The following MB21D2 variants were observed in gnomAD, a reference collection of about 807,000 sequenced individuals.
The protein encoded by MB21D2 is Mab-21 domain containing 2.
Under a neutral mutation model 33.3 loss-of-function variants are expected in MB21D2, and 9 were observed. The ratio of observed to expected loss-of-function variants is 0.27; its 90% CI spans 0.16 to 0.47. The LOEUF is 0.47. MB21D2 is among the 20% of genes least tolerant of loss of function. MB21D2 has a pLI of 0.99. For missense variants in MB21D2, 540 were observed against 624.6 expected (o/e 0.86, Z 1.44); for synonymous variants, 241 against 236.3 (o/e 1.02, Z -0.18).
chr3:192,869,336 G>GGGAAGGGAGGAAGGGA (rs138710698), intron 1 of MB21D2, among the ~76,000 whole-genome samples: 6 of 134,438 alleles, frequency 4.5e-5, no homozygotes, highest in African/African-American at 9.7e-5. Flanking sequence ...AAGGGAAGGA[G>GGGAAGGGAGGAAGGGA]GGAAGGGAGG....
chr3:192,901,902 G>A (rs891308528), intron 1 of MB21D2, among the ~76,000 whole-genome samples: 4 of 152,164 alleles, frequency 2.6e-5, no homozygotes, highest in African/African-American at 9.7e-5. Flanking sequence ...TAAACCCATT[G>A]GGGGAGTGTG....
In MB21D2 at chr3:192,837,220, T is replaced by C. The variant is rs541851696; in HGVS notation, c.212-37570A>G. ...CGTTTCCTCCCGAGAGAGCTCTCCA[T>C]TGCTACTTACTCTTCTCTGAGAGGT... On this transcript the variant is annotated intron_variant, in intron 1 of 1. Transcript: ENST00000392452. Among the ~76,000 whole-genome samples, 249 of 152,294 alleles carry C rather than the reference T, an allele frequency of 1.6e-3. 2 individuals are homozygous for C. Among genetic ancestry groups the C allele is most frequent in the African/African-American group, 5.6e-3 (233 of 41,566 alleles).
At chr3:192,811,605 G>A (rs754058431) in intron 1 of MB21D2, among the ~76,000 whole-genome samples, 10 of 152,118 alleles carry the variant, frequency 6.6e-5, no homozygotes, top group Non-Finnish European at 1.3e-4. Flanking sequence ...GCTTTTCTGT[G>A]CATTTACAGC....
At chr3:192,820,846 C>T (rs1712034904) in intron 1 of MB21D2, among the ~76,000 whole-genome samples, 1 of 152,156 alleles carries the variant, frequency 6.6e-6, no homozygotes. Context: ...CTCACTCCAG[C>T]CTCAAACTCT....
At chr3:192,800,735 G>C (rs1025803183) in intron 1 of MB21D2, among the ~76,000 whole-genome samples, 5 of 152,148 alleles carry the variant, frequency 3.3e-5, no homozygotes, top group African/African-American at 1.2e-4. Flanking sequence ...ACTGAGTTGT[G>C]AGCTGAACTA....
intron 1 of MB21D2, among the ~76,000 whole-genome samples, chr3:192,890,630 A>G (rs1577197956): frequency 6.6e-6 from 1 of 151,976 alleles, no homozygotes; most frequent in Admixed American, 6.6e-5. Context: ...CAGTTGGCAT[A>G]CCCTGCCATT....
In MB21D2 at chr3:192,811,797, A is replaced by T. The variant is rs566565095; in HGVS notation, c.212-12147T>A. On this transcript the variant is annotated intron_variant, in intron 1 of 1. Coordinates refer to ENST00000392452, the MANE Select transcript of MB21D2 (RefSeq NM_178496.4). ...GGATTAAGGTTGGGGAGGGTGGATT[A>T]AAAAAAAGAACTCACTCCAGGAACC... Among the ~76,000 whole-genome samples the T allele has an allele frequency of 5.3e-5, 8 of 151,992 alleles. No homozygotes were observed. The South Asian group carries it at 1.7e-3, about 32-fold the overall frequency.
At chr3:192,884,637 C>G (rs36098296) in intron 1 of MB21D2, among the ~76,000 whole-genome samples, 17,524 of 151,948 alleles carry the variant, frequency 0.12, 1,270 homozygotes, top group African/African-American at 0.19. Flanking sequence ...AAAGTGCTGG[C>G]ATTACAGGCG....
chr3:192,823,767 T>G (rs1014388622), intron 1 of MB21D2, among the ~76,000 whole-genome samples: 4 of 152,138 alleles, frequency 2.6e-5, no homozygotes, highest in African/African-American at 9.7e-5. Context: ...AAGGTTAATT[T>G]AGAACTCCAG....
intron 1 of MB21D2, among the ~76,000 whole-genome samples, chr3:192,867,085 G>A (rs1049449189): frequency 6.6e-6 from 1 of 152,114 alleles, no homozygotes; most frequent in Non-Finnish European, 1.5e-5. Flanking sequence ...GCAATATTAG[G>A]TTATAAAATG....
intron 1 of MB21D2, among the ~76,000 whole-genome samples, chr3:192,867,573 GGACT>G (rs1713197193): frequency 6.6e-6 from 1 of 152,092 alleles, no homozygotes; most frequent in African/African-American, 2.4e-5. Context: ...CAGAGAAATT[GGACT>G]AACTGCTGCT....
Position 192,912,461 on chromosome 3 carries a change from G to A in MB21D2, c.211+5169C>T, listed in dbSNP as rs140316427. Reference sequence around the variant, plus strand: ...AGGTGGGTGGATCACCTGAGGTCAGGAGTTCTAGACCAGCCTTGGCCAACA... The same window carrying A: ...AGGTGGGTGGATCACCTGAGGTCAGAAGTTCTAGACCAGCCTTGGCCAACA... On this transcript the variant is annotated intron_variant, in intron 1 of 1. Transcript: ENST00000392452. 2.9e-3 allele frequency among the ~76,000 whole-genome samples: 441 copies of A among 152,278 alleles called. 12 individuals carry two copies. In the East Asian group the frequency reaches 0.044, roughly 15 times the overall value.
At chr3:192,872,575 CA>C (rs35532898) in intron 1 of MB21D2, among the ~76,000 whole-genome samples, 74,585 of 127,674 alleles carry the variant, frequency 0.58, 21,005 homozygotes, top group East Asian at 0.76. Context: ...GACTCCGTCT[CA>C]AAAAAAAAAA....
intron 1 of MB21D2, among the ~76,000 whole-genome samples, chr3:192,881,901 T>G (rs1228722095): frequency 6.6e-6 from 1 of 152,164 alleles, no homozygotes; most frequent in Non-Finnish European, 1.5e-5. Context: ...GATATTTGCA[T>G]TTTATCCCAG....
At chr3:192,811,165 C>T (rs1560227356) in intron 1 of MB21D2, among the ~76,000 whole-genome samples, 1 of 152,212 alleles carries the variant, frequency 6.6e-6, no homozygotes, top group Non-Finnish European at 1.5e-5. Flanking sequence ...CCTAGCTTCC[C>T]CAGACTCTGT....
Position 192,883,014 on chromosome 3 carries a change from T to G in MB21D2, c.211+34616A>C, listed in dbSNP as rs547741621. Among the ~76,000 whole-genome samples the G allele has an allele frequency of 2.6e-5, 4 of 152,158 alleles. No homozygotes were observed. In the South Asian group the frequency reaches 8.3e-4, roughly 32 times the overall value. ...TCCCAAAGTGCTGGGATTACAGGCA[T>G]GAGCCACCACGCCCGGCTAATTTTT... On this transcript the variant is annotated intron_variant, in intron 1 of 1. Transcript: ENST00000392452.
At chr3:192,814,995 T>C (rs993386875) in intron 1 of MB21D2, among the ~76,000 whole-genome samples, 5 of 151,970 alleles carry the variant, frequency 3.3e-5, no homozygotes, top group Non-Finnish European at 7.3e-5. Context: ...AGCAAGTCAG[T>C]GGATGAACAG....
At chr3:192,828,212 T>C (rs1712220301) in intron 1 of MB21D2, among the ~76,000 whole-genome samples, 1 of 152,076 alleles carries the variant, frequency 6.6e-6, no homozygotes, top group African/African-American at 2.4e-5. Flanking sequence ...CTTTGGATTC[T>C]GGCTGAATGC....
chr3:192,796,964 C>T lies in MB21D2; in HGVS notation c.*1422G>A, dbSNP rs1720535664. On this transcript the variant is annotated 3_prime_UTR_variant, in exon 2 of 2. Coordinates refer to ENST00000392452, the MANE Select transcript of MB21D2 (RefSeq NM_178496.4). ...CTGATTTCAATTGGCCAAAATCCAA[C>T]CCTTGAGTTTGGACATTCAAGACCA... 1 of 152,598 alleles carries T rather than the reference C, an allele frequency of 6.6e-6. No homozygotes were observed. Among genetic ancestry groups the T allele is most frequent in the Admixed American group, 6.5e-5 (1 of 15,280 alleles). 9.5% of individuals were successfully genotyped at this position (152,598 alleles called of 1,614,324 possible). A position where few individuals can be genotyped will look rare whatever the true frequency, so the allele number is the denominator to read the frequency against.
Sources: allele counts gnomAD v4.1 joint callset (sites outside exome capture counted in the v4.1 genomes callset), GRCh38; gene constraint gnomAD v4.1.1; transcripts MANE v1.5; gene names NCBI Gene and HGNC (gene_info 2026-07-23, HGNC 2026-07-21).